The following MEI4 variants were observed in gnomAD, a reference collection of about 807,000 sequenced individuals.
MEI4 encodes meiosis-specific protein MEI4.
In MEI4, 27 loss-of-function variants were observed where a neutral mutation model predicts 31.4. That is an observed-to-expected ratio of 0.86 (90% CI 0.63 to 1.19). MEI4 has a LOEUF of 1.19. Among genes scored for constraint, MEI4 ranks in the 50% most tolerant of loss-of-function variants. The pLI is 0.00. For synonymous variants in MEI4, 122 were observed against 145.4 expected (o/e 0.84, Z 1.16); for missense variants, 329 against 398.9 (o/e 0.82, Z 1.49).
At position 77,892,545 on chromosome 6, in the gene MEI4, A is replaced by G. The variant is rs553236551; in HGVS notation, c.901-30544A>G. ...GTGCATGCAGGTGTTCTCTGGCCCT[A>G]CTGCTGGAGGGGGCAGGGTTACTGT... On this transcript the variant is annotated intron_variant, in intron 4 of 4. Transcript: ENST00000684080. 1.4e-4 allele frequency among the ~76,000 whole-genome samples: 22 copies of G among 152,034 alleles called. No homozygotes were observed. In the East Asian group the frequency reaches 3.9e-3, roughly 27 times the overall value.
At chr6:77,844,743 C>T (rs1240090532) in intron 4 of MEI4, among the ~76,000 whole-genome samples, 5 of 151,950 alleles carry the variant, frequency 3.3e-5, no homozygotes, top group Admixed American at 2.6e-4. Flanking sequence ...ATCCTTGTCA[C>T]ATGTCGAGGA....
intron 4 of MEI4, among the ~76,000 whole-genome samples, chr6:77,918,978 AG>A (rs1766634670): frequency 1.3e-5 from 2 of 151,972 alleles, no homozygotes; most frequent in South Asian, 4.1e-4. Context: ...TTTAGCATGA[AG>A]GGTTGTTGAA....
intron 4 of MEI4, among the ~76,000 whole-genome samples, chr6:77,869,584 A>G (rs539132434): frequency 6.6e-6 from 1 of 152,142 alleles, no homozygotes; most frequent in Non-Finnish European, 1.5e-5. Flanking sequence ...CCCTGCCAGC[A>G]TCTTGGTCTT....
rs185671848 is a variant in MEI4, at chr6:77,850,961, C to T, written c.900+21899C>T. Among the ~76,000 whole-genome samples the T allele has an allele frequency of 5.9e-3, 896 of 152,182 alleles. 2 individuals are homozygous for T. Among genetic ancestry groups the T allele is most frequent in the Non-Finnish European group, 9.6e-3 (652 of 68,008 alleles). Reference sequence around the variant, plus strand: ...ACAAGAAAAAAACGAACAACCCCATCAAAAAGTGGGCAAAGGATATGAACA... The same window carrying T: ...ACAAGAAAAAAACGAACAACCCCATTAAAAAGTGGGCAAAGGATATGAACA... On this transcript the variant is annotated intron_variant, in intron 4 of 4. Coordinates refer to ENST00000684080, the MANE Select transcript of MEI4 (RefSeq NM_001322247.2).
intron 4 of MEI4, among the ~76,000 whole-genome samples, chr6:77,856,650 G>A (rs1230736558): frequency 6.6e-6 from 1 of 152,206 alleles, no homozygotes; most frequent in East Asian, 1.9e-4. Context: ...GGGCTACAGA[G>A]TGTAAATTGC....
chr6:77,759,069 T>TTTTGTTTG (rs3079764), intron 2 of MEI4, among the ~76,000 whole-genome samples: 4 of 151,932 alleles, frequency 2.6e-5, no homozygotes, highest in African/African-American at 9.7e-5. Context: ...GTAACTGGTG[T>TTTTGTTTG]TTTGTTTGTT....
intron 2 of MEI4, among the ~76,000 whole-genome samples, chr6:77,698,232 C>G (rs574196588): frequency 6.6e-6 from 1 of 152,234 alleles, no homozygotes; most frequent in African/African-American, 2.4e-5. Flanking sequence ...ATTTGCCAGT[C>G]TGTGTCTTTT....
At chr6:77,791,186 A>G (rs990415270) in intron 3 of MEI4, among the ~76,000 whole-genome samples, 4 of 152,162 alleles carry the variant, frequency 2.6e-5, no homozygotes, top group African/African-American at 7.2e-5. Context: ...TACTGGGTAT[A>G]TACCCAAAGA....
intron 1 of MEI4, among the ~76,000 whole-genome samples, chr6:77,656,982 A>G (rs968190286): frequency 1.3e-5 from 2 of 152,236 alleles, no homozygotes; most frequent in African/African-American, 4.8e-5. Context: ...ACAAGTAACT[A>G]CAGCATAATC....
chr6:77,745,220 A>T (rs546667861), intron 2 of MEI4, among the ~76,000 whole-genome samples: 1 of 152,290 alleles, frequency 6.6e-6, no homozygotes, highest in South Asian at 2.1e-4. Context: ...ATATTCAGTA[A>T]ACCCATCTCA....
intron 3 of MEI4, among the ~76,000 whole-genome samples, chr6:77,802,087 A>G (rs1189651115): frequency 7.9e-5 from 12 of 152,098 alleles, no homozygotes; most frequent in Non-Finnish European, 1.5e-4. Flanking sequence ...GTCTCCCATT[A>G]TTATTGTATG....
chr6:77,844,845 A>G (rs1770443462), intron 4 of MEI4, among the ~76,000 whole-genome samples: 1 of 152,142 alleles, frequency 6.6e-6, no homozygotes, highest in South Asian at 2.1e-4. Flanking sequence ...AAAATGATGC[A>G]GTAGAGATGG....
At chr6:77,827,450 C>A in intron 3 of MEI4, among the ~76,000 whole-genome samples, 1 of 151,182 alleles carries the variant, frequency 6.6e-6, no homozygotes, top group Non-Finnish European at 1.5e-5. Flanking sequence ...GACACCTCAG[C>A]TGCTATCTGT....
chr6:77,819,006 T>C (rs569576981), intron 3 of MEI4, among the ~76,000 whole-genome samples: 80 of 152,160 alleles, frequency 5.3e-4, no homozygotes, highest in Non-Finnish European at 1.9e-4. Flanking sequence ...TCCGGGATTA[T>C]AGGTGTAGGC....
intron 3 of MEI4, among the ~76,000 whole-genome samples, chr6:77,817,745 A>G (rs955603422): frequency 5.3e-5 from 8 of 151,908 alleles, no homozygotes; most frequent in African/African-American, 1.9e-4. Flanking sequence ...TGTTTATTTT[A>G]CTTTTCTATA....
At chr6:77,737,467 G>A (rs758093307) in intron 2 of MEI4, among the ~76,000 whole-genome samples, 1 of 151,902 alleles carries the variant, frequency 6.6e-6, no homozygotes, top group Non-Finnish European at 1.5e-5. Context: ...GGGAGTCCAG[G>A]ACACTTGAGG....
At chr6:77,822,157 C>T (rs1186659334) in intron 3 of MEI4, among the ~76,000 whole-genome samples, 7 of 152,146 alleles carry the variant, frequency 4.6e-5, no homozygotes, top group Non-Finnish European at 7.4e-5. Context: ...TGATTTATTT[C>T]GTGTTAAGAT....
intron 4 of MEI4, among the ~76,000 whole-genome samples, chr6:77,897,017 A>G (rs578116575): frequency 7.9e-5 from 12 of 152,136 alleles, no homozygotes; most frequent in African/African-American, 2.9e-4. Context: ...TAAATTTATA[A>G]TCTTATTCTC....
intron 2 of MEI4, among the ~76,000 whole-genome samples, chr6:77,695,581 T>C (rs374538662): frequency 3.9e-5 from 6 of 152,166 alleles, no homozygotes; most frequent in Non-Finnish European, 8.8e-5. Flanking sequence ...TGTAGATATG[T>C]GGCATTATTT....
Sources: gnomAD v4.1 joint callset for allele counts (sites outside exome capture counted in the v4.1 genomes callset) on GRCh38, gnomAD v4.1.1 for gene constraint, MANE v1.5 for transcripts, NCBI Gene and HGNC (gene_info 2026-07-23, HGNC 2026-07-21) for gene names.